Variants in BBS1 observed in about 807,000 individuals in gnomAD.
BBS1 encodes BBSome complex member BBS1.
Under a neutral mutation model 73.9 loss-of-function variants are expected in BBS1, and 60 were observed. The observed-to-expected ratio is 0.81, with a 90% CI of 0.66 to 1.01. BBS1 has a LOEUF of 1.01. Ranked by LOEUF, BBS1 falls within the 50% of genes least tolerant of loss-of-function variation. BBS1 has a pLI of 0.00. For missense variants in BBS1, 718 were observed against 770.3 expected (o/e 0.93, Z 0.80); for synonymous variants, 283 against 317.4 (o/e 0.89, Z 1.15).
intron 11 of BBS1, 89 bp from the exon 12 acceptor site, chr11:66,526,033 CT>C: frequency 8.9e-7 from 1 of 1,125,782 alleles, no homozygotes; most frequent in Non-Finnish European, 1.4e-6. Context: ...CACTTCTCAC[CT>C]ATTATATCTG....
In BBS1 at chr11:66,532,990, G is replaced by A. The variant is rs1162703064; in HGVS notation, c.*953G>A. Reference sequence around the variant, plus strand: ...GTTCCCAGGGCAGTGGTCACATCGTGAGAATTAGCAGGAAAGGCGGGGCCT... The same window carrying A: ...GTTCCCAGGGCAGTGGTCACATCGTAAGAATTAGCAGGAAAGGCGGGGCCT... On this transcript the variant is annotated 3_prime_UTR_variant, in exon 17 of 17. Coordinates refer to ENST00000318312, the MANE Select transcript of BBS1 (RefSeq NM_024649.5). 6.6e-6 allele frequency: 1 copy of A among 152,240 alleles called. No homozygotes were observed. Among genetic ancestry groups the A allele is most frequent in the Non-Finnish European group, 1.5e-5 (1 of 68,048 alleles). 9.4% of individuals were successfully genotyped at this position (152,240 alleles called of 1,614,324 possible). A position where few individuals can be genotyped will look rare whatever the true frequency, so the allele number is the denominator to read the frequency against.
chr11:66,529,491 G>A (rs1332865574), intron 13 of BBS1: 4 of 732,836 alleles, frequency 5.5e-6, no homozygotes, highest in East Asian at 2.7e-5. Flanking sequence ...TGGATTGTCT[G>A]GGGGAAGAAG....
At position 66,529,883 on chromosome 11, in the gene BBS1, G is replaced by A. The variant is rs140013934; in HGVS notation, c.1404G>A (p.Leu468=). The change falls in exon 14 of 17, where the codon CTG becomes CTA. Residue 468 remains leucine (L), a synonymous_variant. Coordinates refer to ENST00000318312, the MANE Select transcript of BBS1 (RefSeq NM_024649.5). ...LLRLRAARAY[L]QALESSLSPL... is the part of the protein sequence containing the mutation. ...GCCTACGTGCTGCCCGCGCCTACCT[G>A]CAGGCCCTCGAGTCCAGCCTGAGCC... is the stretch of plus-strand genomic sequence containing the variant. 25 of 1,609,408 alleles carry A rather than the reference G, an allele frequency of 1.6e-5. No individual in the cohort carries two copies. The African/African-American group carries it at 2.8e-4, about 18-fold the overall frequency.
In BBS1 at chr11:66,511,190, C is replaced by T; in HGVS notation, c.125-15C>T. The T allele has an allele frequency of 6.2e-6, 10 of 1,613,984 alleles. No homozygotes were observed. Among genetic ancestry groups the T allele is most frequent in the South Asian group, 2.2e-5 (2 of 91,076 alleles). On this transcript the variant is annotated splice_polypyrimidine_tract_variant and intron_variant, in intron 2 of 16. Coordinates refer to ENST00000318312, the MANE Select transcript of BBS1 (RefSeq NM_024649.5). ...GGGATTCTGAGACTCTGGTTTTGGC[C>T]CTTTTGTTTTCCAGCGCTGGCAGAT...
At chr11:66,516,549 T>A (rs1023726153) in intron 7 of BBS1, among the ~76,000 whole-genome samples, 1 of 151,834 alleles carries the variant, frequency 6.6e-6, no homozygotes, top group Non-Finnish European at 1.5e-5. Flanking sequence ...TCTTTTTTAA[T>A]CTCTTTTGGG....
chr11:66,530,002 G>GA (rs765532422), intron 14 of BBS1, 50 bp downstream of exon 14: 26 of 1,563,954 alleles, frequency 1.7e-5, no homozygotes, highest in Non-Finnish European at 2.2e-5. Context: ...CAGAGGCCAG[G>GA]ATGCGCAGGA....
chr11:66,512,076 A>G lies in BBS1; in HGVS notation c.159+837A>G, dbSNP rs184324599. 1.4e-3 allele frequency among the ~76,000 whole-genome samples: 202 copies of G among 147,554 alleles called. 2 individuals are homozygous for G. Among genetic ancestry groups the G allele is most frequent in the African/African-American group, 4.7e-3 (190 of 40,302 alleles). On this transcript the variant is annotated intron_variant, in intron 3 of 16. Transcript: ENST00000318312. ...TGTGTATATATATGTATATATATAT[A>G]CATATATTTAATTTTAAATAAAAAT...
chr11:66,529,006 T>G (rs1441276971), intron 13 of BBS1: 2 of 738,762 alleles, frequency 2.7e-6, no homozygotes. Context: ...AAATCAGACC[T>G]TTTCTTCATA....
intron 3 of BBS1, among the ~76,000 whole-genome samples, chr11:66,512,768 T>A (rs2134768877): frequency 6.6e-6 from 1 of 151,980 alleles, no homozygotes; most frequent in East Asian, 1.9e-4. Context: ...GGTCAGGAGT[T>A]TGAGACCAGC....
rs1004058715 is a variant in BBS1, at chr11:66,526,064, CCT to C, written c.1111-58_1111-57del. The stretch of plus-strand genomic sequence containing the variant: ...TATCTGGGGCCTCCCCTACCCATCC[CCT>C]GTCTTGCTTTCCTCTCCAAGATATT... On this transcript the variant is annotated intron_variant, in intron 11 of 16. Coordinates refer to ENST00000318312, the MANE Select transcript of BBS1 (RefSeq NM_024649.5). The C allele has an allele frequency of 6.0e-5, 92 of 1,531,280 alleles. 2 individuals are homozygous for C. The Middle Eastern group carries it at 5.2e-3, about 87-fold the overall frequency. 94.9% of individuals were successfully genotyped at this position (1,531,280 alleles called of 1,614,324 possible). A position where few individuals can be genotyped will look rare whatever the true frequency, so the allele number is the denominator to read the frequency against.
At chr11:66,514,746 G>T in intron 4 of BBS1, 68 bp downstream of exon 4, 1 of 1,581,312 alleles carries the variant, frequency 6.3e-7, no homozygotes. Context: ...AAGAGGGCTG[G>T]GCTCCTGGGA....
At chr11:66,522,597 C>T (rs1031567190) in intron 9 of BBS1, among the ~76,000 whole-genome samples, 25 of 152,130 alleles carry the variant, frequency 1.6e-4, no homozygotes, top group Non-Finnish European at 2.9e-4. Context: ...CCACCCTTCT[C>T]GGCCTCCCAA....
chr11:66,515,681 C>G lies in BBS1; in HGVS notation c.480-12C>G. The G allele has an allele frequency of 6.2e-7, 1 of 1,614,242 alleles. No homozygotes were observed. Among genetic ancestry groups the G allele is most frequent in the Non-Finnish European group, 8.5e-7 (1 of 1,180,040 alleles). Reference sequence around the variant, plus strand: ...TTCCATTCGGCTGCCATGCTGGCCCCTTTCCTTGCAGGGAGACGGCAGAGG... The same window carrying G: ...TTCCATTCGGCTGCCATGCTGGCCCGTTTCCTTGCAGGGAGACGGCAGAGG... On this transcript the variant is annotated splice_polypyrimidine_tract_variant and intron_variant, in intron 5 of 16. Transcript: ENST00000318312.
At chr11:66,514,959 G>A (rs1856017690) in intron 4 of BBS1, among the ~76,000 whole-genome samples, 1 of 152,136 alleles carries the variant, frequency 6.6e-6, no homozygotes, top group South Asian at 2.1e-4. Context: ...GGGATTGCAG[G>A]CACCAGCAAC....
intron 3 of BBS1, among the ~76,000 whole-genome samples, chr11:66,512,674 CTAATA>C (rs1855976995): frequency 6.6e-6 from 1 of 152,160 alleles, no homozygotes; most frequent in African/African-American, 2.4e-5. Context: ...GACACAGTAG[CTAATA>C]AGAAATGTTA....
intron 13 of BBS1, 105 bp from the exon 14 acceptor site, chr11:66,529,714 C>T (rs1433352310): frequency 2.1e-6 from 3 of 1,418,068 alleles, no homozygotes; most frequent in Non-Finnish European, 2.9e-6. Flanking sequence ...GCAGCACCCT[C>T]CTCTTGCACC....
intron 9 of BBS1, 195 bp from the exon 10 acceptor site, chr11:66,523,261 G>A (rs903538662): frequency 1.3e-6 from 1 of 741,600 alleles, no homozygotes; most frequent in Non-Finnish European, 2.4e-6. Flanking sequence ...TAGTGAAGGT[G>A]GGAGGAAGAC....
chr11:66,527,284 G>C (rs1287306469), intron 13 of BBS1, among the ~76,000 whole-genome samples: 4 of 150,774 alleles, frequency 2.7e-5, no homozygotes, highest in African/African-American at 9.7e-5. Context: ...TTTCCTGCCC[G>C]TTTATTTGTT....
At chr11:66,514,083 C>G (rs2134770714) in intron 3 of BBS1, among the ~76,000 whole-genome samples, 1 of 152,342 alleles carries the variant, frequency 6.6e-6, no homozygotes, top group Middle Eastern at 3.4e-3. Flanking sequence ...CTAGAAGTGC[C>G]TGGTGTGGAA....
Sources: gnomAD v4.1 joint callset for allele counts (sites outside exome capture counted in the v4.1 genomes callset) on GRCh38, gnomAD v4.1.1 for gene constraint, MANE v1.5 for transcripts, NCBI Gene and HGNC (gene_info 2026-07-23, HGNC 2026-07-21) for gene names.